KLF8: variants seen among roughly 807,000 people sequenced by gnomAD.
The protein encoded by KLF8 is KLF transcription factor 8, also known as Krueppel-like factor 8.
In KLF8, 10 loss-of-function variants were observed where a neutral mutation model predicts 18.2. The observed-to-expected ratio is 0.55, with a 90% CI of 0.34 to 0.93. KLF8 has a LOEUF of 0.93. KLF8 is among the 40% of genes least tolerant of loss of function. KLF8 has a pLI of 0.02. For synonymous variants in KLF8, 109 were observed against 97.3 expected (o/e 1.12, Z -0.71); for missense variants, 264 against 277.9 (o/e 0.95, Z 0.36).
At chrX:56,167,431 C>T in the KLF8 span, among the ~76,000 whole-genome samples, 3 of 112,128 alleles carry the variant, frequency 2.7e-5, no homozygotes, top group African/African-American at 6.5e-5. Flanking sequence ...GCCTGGCCCA[C>T]ATTACTTTCT....
chrX:56,276,728 T>C (rs754101088), intron 5 of KLF8, among the ~76,000 whole-genome samples: 75 of 111,728 alleles, frequency 6.7e-4, no homozygotes, highest in African/African-American at 2.2e-3. Flanking sequence ...TTTGAGGTGG[T>C]CTTCTTTGGG....
chrX:56,051,191 C>A, the KLF8 span, among the ~76,000 whole-genome samples: 1 of 111,466 alleles, frequency 9.0e-6, no homozygotes, highest in Non-Finnish European at 1.9e-5. Flanking sequence ...TTCCTGAATA[C>A]AGCATACTGA....
the KLF8 span, among the ~76,000 whole-genome samples, chrX:56,002,768 A>G: frequency 8.9e-6 from 1 of 112,086 alleles, no homozygotes; most frequent in Admixed American, 9.5e-5. Context: ...TTTCACTCCC[A>G]TAGCTTTGAA....
At chrX:55,942,164 A>G in the KLF8 span, among the ~76,000 whole-genome samples, 1 of 111,755 alleles carries the variant, frequency 8.9e-6, no homozygotes, top group African/African-American at 3.3e-5. Flanking sequence ...TGGCACATAT[A>G]CACCATGGAA....
chrX:55,990,307 A>G, the KLF8 span, among the ~76,000 whole-genome samples: 4 of 111,873 alleles, frequency 3.6e-5, no homozygotes, highest in African/African-American at 9.8e-5. Flanking sequence ...TGTCAATTTT[A>G]GATCTTTCCT....
At chrX:55,911,371 A>G in the KLF8 span, among the ~76,000 whole-genome samples, 5 of 112,150 alleles carry the variant, frequency 4.5e-5, no homozygotes, top group Non-Finnish European at 9.4e-5. Context: ...AGTCTCTTCA[A>G]TGTACTTCAA....
chrX:56,022,647 G>T, the KLF8 span, among the ~76,000 whole-genome samples: 82 of 108,372 alleles, frequency 7.6e-4, 2 homozygotes, highest in East Asian at 0.021. Flanking sequence ...CTGTTCCTAT[G>T]CCCTCTCCCC....
At chrX:56,186,264 C>T in the KLF8 span, among the ~76,000 whole-genome samples, 1 of 111,016 alleles carries the variant, frequency 9.0e-6, no homozygotes, top group Non-Finnish European at 1.9e-5. Context: ...CAACAAAGAT[C>T]AAAAGAGACA....
chrX:56,201,981 G>T, the KLF8 span, among the ~76,000 whole-genome samples: 1 of 111,295 alleles, frequency 9.0e-6, no homozygotes, highest in African/African-American at 3.3e-5. Context: ...CCAATATTAA[G>T]AATTCAGGAC....
the KLF8 span, among the ~76,000 whole-genome samples, chrX:56,057,343 G>A: frequency 9.0e-6 from 1 of 111,340 alleles, no homozygotes; most frequent in Admixed American, 9.5e-5. Flanking sequence ...TGTGGAGAGA[G>A]GGTGGTGGTT....
chrX:56,129,164 G>A, the KLF8 span, among the ~76,000 whole-genome samples: 1 of 112,061 alleles, frequency 8.9e-6, no homozygotes, highest in East Asian at 2.8e-4. Flanking sequence ...TGGCAGAAAG[G>A]AGACAGGACT....
chrX:56,205,912 G>T, the KLF8 span, among the ~76,000 whole-genome samples: 4 of 111,592 alleles, frequency 3.6e-5, no homozygotes, highest in Admixed American at 3.8e-4. Context: ...CCCAAGACTG[G>T]ATAACTTATA....
At chrX:56,106,950 T>G in the KLF8 span, among the ~76,000 whole-genome samples, 2 of 112,318 alleles carry the variant, frequency 1.8e-5, no homozygotes, top group Admixed American at 9.4e-5. Flanking sequence ...TGTTTGTTAG[T>G]TTTCTTTCTA....
the KLF8 span, among the ~76,000 whole-genome samples, chrX:56,216,356 CT>C: frequency 9.1e-6 from 1 of 110,084 alleles, no homozygotes; most frequent in Non-Finnish European, 1.9e-5. Context: ...CAACAAAGCT[CT>C]TTGTTTTAAT....
chrX:56,002,281 T>C, the KLF8 span, among the ~76,000 whole-genome samples: 5 of 111,882 alleles, frequency 4.5e-5, no homozygotes, highest in African/African-American at 1.6e-4. Context: ...TTTTTTGAAT[T>C]TCTACACACT....
the KLF8 span, among the ~76,000 whole-genome samples, chrX:56,066,901 C>A: frequency 5.5e-5 from 6 of 109,777 alleles, 1 homozygote; most frequent in African/African-American, 2.0e-4. Flanking sequence ...TCCAGGCCTA[C>A]AAGGGCCAAG....
At chrX:56,055,830 T>G in the KLF8 span, among the ~76,000 whole-genome samples, 1 of 111,646 alleles carries the variant, frequency 9.0e-6, no homozygotes, top group Non-Finnish European at 1.9e-5. Flanking sequence ...AGCTCTGAGA[T>G]TCTTTCCTCC....
the KLF8 span, among the ~76,000 whole-genome samples, chrX:55,920,083 T>A: frequency 1.8e-5 from 2 of 111,862 alleles, no homozygotes; most frequent in Non-Finnish European, 3.8e-5. Context: ...ATGAATCATA[T>A]CACAGGAGTC....
At chrX:56,191,613 G>A in the KLF8 span, among the ~76,000 whole-genome samples, 151 of 111,095 alleles carry the variant, frequency 1.4e-3, 1 homozygote, top group African/African-American at 4.3e-3. Context: ...TAACCATCTG[G>A]GATTTATCCC....
Sources: allele counts gnomAD v4.1 joint callset (sites outside exome capture counted in the v4.1 genomes callset), GRCh38; gene constraint gnomAD v4.1.1; transcripts MANE v1.5; gene names NCBI Gene and HGNC (gene_info 2026-07-23, HGNC 2026-07-21).